Variants in COMMD10 observed in about 807,000 individuals in gnomAD.
The protein encoded by COMMD10 is COMM domain-containing protein 10.
Under a neutral mutation model 28.9 loss-of-function variants are expected in COMMD10, and 33 were observed. The ratio of observed to expected loss-of-function variants is 1.14; its 90% CI spans 0.87 to 1.53. The LOEUF is 1.53. Among genes scored for constraint, COMMD10 ranks in the 40% most tolerant of loss-of-function variants. The pLI is 0.00. For missense variants in COMMD10, 310 were observed against 233.4 expected, an observed-to-expected ratio of 1.33 and a Z score of -2.14; for synonymous variants, 110 against 81.7, an observed-to-expected ratio of 1.35 and a Z score of -1.87.
At chr5:116,240,610 C>T (rs1749786206) in intron 5 of COMMD10, among the ~76,000 whole-genome samples, 1 of 152,078 alleles carries the variant, frequency 6.6e-6, no homozygotes, top group Non-Finnish European at 1.5e-5. Context: ...CATAGAGAAC[C>T]TGAGAAGTTC....
At chr5:116,242,123 G>T (rs1048689507) in intron 5 of COMMD10, among the ~76,000 whole-genome samples, 1 of 152,120 alleles carries the variant, frequency 6.6e-6, no homozygotes, top group African/African-American at 2.4e-5. Flanking sequence ...GGTGAATGCC[G>T]ATAGCTGCTG....
chr5:116,151,046 T>A (rs1284186061), intron 5 of COMMD10, among the ~76,000 whole-genome samples: 1 of 144,604 alleles, frequency 6.9e-6, no homozygotes, highest in Non-Finnish European at 1.5e-5. Flanking sequence ...AATACCTAAT[T>A]TATTGAGAGT....
At chr5:116,157,939 C>CCTT (rs1378166017) in intron 5 of COMMD10, among the ~76,000 whole-genome samples, 5 of 138,100 alleles carry the variant, frequency 3.6e-5, no homozygotes, top group Non-Finnish European at 3.1e-5. Context: ...CTTTCCTTTA[C>CCTT]TTTTTTTTTT....
chr5:116,292,355 A>G lies in COMMD10; in HGVS notation c.571-96A>G, dbSNP rs574946551. On this transcript the variant is annotated intron_variant, in intron 6 of 6. Coordinates refer to ENST00000274458, the MANE Select transcript of COMMD10 (RefSeq NM_016144.4). Reference sequence around the variant, plus strand: ...TTTAATATTCATAGTTACCAGTGCTATTTTTTCCTTTCTATTTGCATGTGT... The same window carrying G: ...TTTAATATTCATAGTTACCAGTGCTGTTTTTTCCTTTCTATTTGCATGTGT... 27 of 667,646 alleles carry G rather than the reference A, an allele frequency of 4.0e-5. No homozygotes were observed. In the South Asian group the frequency reaches 6.8e-4, roughly 17 times the overall value. The allele number at this position is 667,646 out of a possible 1,614,324, so 41.4% of individuals were successfully genotyped here.
At chr5:116,196,641 A>T (rs1722084042) in intron 5 of COMMD10, among the ~76,000 whole-genome samples, 1 of 152,006 alleles carries the variant, frequency 6.6e-6, no homozygotes, top group Admixed American at 6.6e-5. Flanking sequence ...TTTTTAAAAA[A>T]AGAAAAATGT....
chr5:116,151,480 A>G (rs1436154008), intron 5 of COMMD10, among the ~76,000 whole-genome samples: 3 of 152,132 alleles, frequency 2.0e-5, no homozygotes, highest in Admixed American at 2.0e-4. Flanking sequence ...CTGTGAATCC[A>G]TCTGGTCCTG....
chr5:116,200,465 C>G (rs1271462945), intron 5 of COMMD10, among the ~76,000 whole-genome samples: 1 of 151,972 alleles, frequency 6.6e-6, no homozygotes, highest in Non-Finnish European at 1.5e-5. Context: ...GGTTTCGTAT[C>G]TGACATTAAT....
At chr5:116,147,894 G>T (rs1580489171) in intron 5 of COMMD10, among the ~76,000 whole-genome samples, 1 of 151,832 alleles carries the variant, frequency 6.6e-6, no homozygotes, top group African/African-American at 2.4e-5. Flanking sequence ...TCTGTCCATT[G>T]TAAACTAGTT....
In COMMD10 at chr5:116,142,341, C is replaced by G. The variant is rs1257148578; in HGVS notation, c.510+8163C>G. Among the ~76,000 whole-genome samples, 3 of 151,654 alleles carry G rather than the reference C, an allele frequency of 2.0e-5. No individual in the cohort carries two copies. In the East Asian group the frequency reaches 5.8e-4, roughly 29 times the overall value. On this transcript the variant is annotated intron_variant, in intron 5 of 6. Coordinates refer to ENST00000274458, the MANE Select transcript of COMMD10 (RefSeq NM_016144.4). ...TACTGGGTTTGTTTCTAGTATTTTCCTGTTACATTGTAATAAACATCTTTG... is the reference window on the plus strand; with the variant it reads ...TACTGGGTTTGTTTCTAGTATTTTCGTGTTACATTGTAATAAACATCTTTG...
At chr5:116,178,348 C>T (rs57484726) in intron 5 of COMMD10, among the ~76,000 whole-genome samples, 27,678 of 151,784 alleles carry the variant, frequency 0.18, 3,816 homozygotes, top group African/African-American at 0.39. Context: ...TAAGATTCTG[C>T]GATTAATTAG....
chr5:116,251,689 A>G lies in COMMD10; in HGVS notation c.511-39828A>G, dbSNP rs890636852. Among the ~76,000 whole-genome samples, 4 of 151,042 alleles carry G rather than the reference A, an allele frequency of 2.6e-5. No homozygotes were observed. In the South Asian group the frequency reaches 8.4e-4, roughly 32 times the overall value. ...GTGCCACATTTTCTTAATCCAGTCT[A>G]TCATTGATGGACATTTGGGTTGGTT... On this transcript the variant is annotated intron_variant, in intron 5 of 6. Transcript: ENST00000274458.
chr5:116,229,213 T>G (rs1035914361), intron 5 of COMMD10, among the ~76,000 whole-genome samples: 11 of 151,954 alleles, frequency 7.2e-5, no homozygotes, highest in African/African-American at 2.7e-4. Flanking sequence ...TATCTAAGAT[T>G]GATGATTTGT....
intron 5 of COMMD10, among the ~76,000 whole-genome samples, chr5:116,168,047 TAG>T (rs1753190940): frequency 6.7e-6 from 1 of 149,090 alleles, no homozygotes; most frequent in Non-Finnish European, 1.5e-5. Flanking sequence ...GTAAATTGGA[TAG>T]AGTCAAGACC....
chr5:116,149,996 C>T (rs1015487893), intron 5 of COMMD10, among the ~76,000 whole-genome samples: 6 of 152,158 alleles, frequency 3.9e-5, no homozygotes, highest in East Asian at 1.9e-4. Flanking sequence ...TTAGGTCTAA[C>T]GTTTAAGTCT....
At chr5:116,220,100 G>C (rs1037190653) in intron 5 of COMMD10, among the ~76,000 whole-genome samples, 4 of 152,138 alleles carry the variant, frequency 2.6e-5, no homozygotes, top group African/African-American at 9.7e-5. Flanking sequence ...TTCTATGATA[G>C]ACAATTGGGA....
chr5:116,098,476 A>G (rs775923232), intron 4 of COMMD10, among the ~76,000 whole-genome samples: 1 of 152,200 alleles, frequency 6.6e-6, no homozygotes, highest in Non-Finnish European at 1.5e-5. Flanking sequence ...GGGAAACAAA[A>G]AATTCCAAAA....
chr5:116,243,096 A>G (rs577103486), intron 5 of COMMD10, among the ~76,000 whole-genome samples: 1 of 152,334 alleles, frequency 6.6e-6, no homozygotes, highest in African/African-American at 2.4e-5. Flanking sequence ...ATGTCCAAGA[A>G]GTACTACTCA....
chr5:116,257,057 C>T (rs1482881821), intron 5 of COMMD10, among the ~76,000 whole-genome samples: 1 of 151,686 alleles, frequency 6.6e-6, no homozygotes, highest in African/African-American at 2.4e-5. Context: ...AAAGGTTACT[C>T]TACTCTGTAT....
intron 5 of COMMD10, among the ~76,000 whole-genome samples, chr5:116,196,551 C>T (rs1748527440): frequency 6.6e-6 from 1 of 150,548 alleles, no homozygotes; most frequent in African/African-American, 2.4e-5. Context: ...TCTGTGATTC[C>T]TGCTTTGGTT....
Sources: gnomAD v4.1 joint callset for allele counts (sites outside exome capture counted in the v4.1 genomes callset) on GRCh38, gnomAD v4.1.1 for gene constraint, MANE v1.5 for transcripts, NCBI Gene and HGNC (gene_info 2026-07-23, HGNC 2026-07-21) for gene names.